Variants in INPP4B observed in about 807,000 individuals in gnomAD.
The protein encoded by INPP4B is inositol polyphosphate 4-phosphatase type II.
A neutral mutation model predicts 122.5 loss-of-function variants in INPP4B; 55 were observed. The ratio of observed to expected loss-of-function variants is 0.45; its 90% CI spans 0.36 to 0.56. The LOEUF (loss-of-function observed/expected upper bound fraction) is 0.56, where lower values mean the gene tolerates loss of function less well. Ranked by LOEUF, INPP4B falls within the 20% of genes least tolerant of loss-of-function variation. The pLI is 0.00. For synonymous variants in INPP4B, 403 were observed against 388.7 expected, an observed-to-expected ratio of 1.04 and a Z score of -0.43; for missense variants, 1,000 against 1,097.7, an observed-to-expected ratio of 0.91 and a Z score of 1.26.
At position 142,115,258 on chromosome 4, in the gene INPP4B, C is replaced by T. The variant is rs113943684; in HGVS notation, c.2136-2576G>A. 1.4e-3 allele frequency among the ~76,000 whole-genome samples: 215 copies of T among 152,210 alleles called. 1 individual carries two copies. Among genetic ancestry groups the T allele is most frequent in the Admixed American group, 2.6e-3 (39 of 15,276 alleles). On this transcript the variant is annotated intron_variant, in intron 21 of 25. Transcript: ENST00000262992. ...CTCTGCAGGATATTATTCAGGAGAA[C>T]GTCCCAAATCTAGCAAGGCAGGCCA...
In INPP4B at chr4:142,224,929, T is replaced by C. The variant is rs59640122; in HGVS notation, c.836+12935A>G. 4.9e-3 allele frequency among the ~76,000 whole-genome samples: 744 copies of C among 152,222 alleles called. 10 individuals are homozygous for C. Among genetic ancestry groups the C allele is most frequent in the African/African-American group, 0.017 (710 of 41,534 alleles). On this transcript the variant is annotated intron_variant, in intron 12 of 25. Coordinates refer to ENST00000262992, the MANE Select transcript of INPP4B (RefSeq NM_001101669.3). ...TATTTAAAGTTTATATGTCCCAAAC[T>C]CGACTGTGTTTTTTATACTAAAGTG...
Position 142,237,983 on chromosome 4 carries a change from A to G in INPP4B, c.717T>C (p.Tyr239=), listed in dbSNP as rs1857386514. ...ACTTATTGTCAGATGTGGGAAATCT[A>G]TATAATTTACATACTGGGTTCTTTA... ...SVLKNPVCKL[Y]RFPTSDNKWM... is the part of the protein sequence containing the mutation. Residue 239 remains tyrosine (Y), a synonymous_variant, in exon 12 of 26, where the codon TAT becomes TAC. Coordinates refer to ENST00000262992, the MANE Select transcript of INPP4B (RefSeq NM_001101669.3). The G allele has an allele frequency of 3.2e-6, 5 of 1,557,444 alleles. No individual in the cohort carries two copies. The highest frequency in any genetic ancestry group is 2.7e-5 in the African/African-American group (2 of 73,858).
intron 2 of INPP4B, among the ~76,000 whole-genome samples, chr4:142,566,924 T>C (rs1580385287): frequency 6.6e-6 from 1 of 152,162 alleles, no homozygotes; most frequent in East Asian, 1.9e-4. Context: ...TTGGGCTTTA[T>C]ATAGAAGTAA....
intron 1 of INPP4B, among the ~76,000 whole-genome samples, chr4:142,744,333 A>G (rs1768345501): frequency 1.3e-5 from 2 of 151,944 alleles, no homozygotes; most frequent in African/African-American, 2.4e-5. Context: ...AACAACTACC[A>G]TAAGTATAAT....
At chr4:142,513,925 A>C (rs1825084340) in intron 2 of INPP4B, among the ~76,000 whole-genome samples, 1 of 152,224 alleles carries the variant, frequency 6.6e-6, no homozygotes, top group Non-Finnish European at 1.5e-5. Flanking sequence ...ACAATTTAAA[A>C]AAATCAACCA....
intron 9 of INPP4B, among the ~76,000 whole-genome samples, chr4:142,291,770 A>C (rs977543841): frequency 1.3e-5 from 2 of 152,324 alleles, no homozygotes; most frequent in South Asian, 4.1e-4. Context: ...AAGGTATAAA[A>C]AAAGAAAAAA....
chr4:142,160,957 G>A (rs1365159337), intron 16 of INPP4B, among the ~76,000 whole-genome samples: 3 of 151,964 alleles, frequency 2.0e-5, no homozygotes, highest in Admixed American at 2.0e-4. Flanking sequence ...CAGTCTATGT[G>A]TATTTTATTA....
At chr4:142,159,550 T>A (rs1222514247) in intron 17 of INPP4B, among the ~76,000 whole-genome samples, 2 of 149,888 alleles carry the variant, frequency 1.3e-5, no homozygotes, top group East Asian at 3.9e-4. Context: ...AAAGTAATTG[T>A]TAACTAAAAG....
intron 7 of INPP4B, among the ~76,000 whole-genome samples, chr4:142,331,915 TG>T (rs776702218): frequency 5.0e-4 from 44 of 87,526 alleles, no homozygotes; most frequent in East Asian, 4.4e-3. Flanking sequence ...GCTGGGGGGG[TG>T]GGGGGTGGAG....
At chr4:142,807,305 C>A (rs181347896) in intron 1 of INPP4B, among the ~76,000 whole-genome samples, 3 of 152,100 alleles carry the variant, frequency 2.0e-5, no homozygotes, top group African/African-American at 7.2e-5. Context: ...GAAAACAGAC[C>A]ATAGGAATAG....
intron 7 of INPP4B, among the ~76,000 whole-genome samples, chr4:142,316,134 T>C (rs1767558979): frequency 6.6e-6 from 1 of 152,218 alleles, no homozygotes; most frequent in Non-Finnish European, 1.5e-5. Context: ...CACTATCGCT[T>C]GCACAATTTG....
At chr4:142,248,030 TGCCCCTGCCCTCCA>T (rs1468286613) in intron 11 of INPP4B, among the ~76,000 whole-genome samples, 2 of 152,130 alleles carry the variant, frequency 1.3e-5, no homozygotes, top group African/African-American at 4.8e-5. Flanking sequence ...TCACCCCTCC[TGCCCCTGCCCTCCA>T]GGCTCCTGTG....
chr4:142,515,903 C>A (rs1278839494), intron 2 of INPP4B, among the ~76,000 whole-genome samples: 1 of 152,042 alleles, frequency 6.6e-6, no homozygotes, highest in Non-Finnish European at 1.5e-5. Flanking sequence ...GACAATAAAT[C>A]CCATGAAAAG....
At chr4:142,074,788 C>T (rs564112723) in intron 25 of INPP4B, among the ~76,000 whole-genome samples, 1 of 151,632 alleles carries the variant, frequency 6.6e-6, no homozygotes, top group Admixed American at 6.6e-5. Flanking sequence ...ATGTGCCACA[C>T]ATTACAACAC....
chr4:142,289,005 A>G (rs1755135027), intron 9 of INPP4B, among the ~76,000 whole-genome samples: 1 of 152,162 alleles, frequency 6.6e-6, no homozygotes, highest in Admixed American at 6.6e-5. Flanking sequence ...TGCAATGTCA[A>G]GTTACTCTTT....
intron 2 of INPP4B, among the ~76,000 whole-genome samples, chr4:142,651,454 C>T (rs1239933663): frequency 6.6e-6 from 1 of 151,910 alleles, no homozygotes; most frequent in African/African-American, 2.4e-5. Context: ...AAAACATCAA[C>T]AAAATTGATA....
At chr4:142,770,089 G>A (rs1035412419) in intron 1 of INPP4B, among the ~76,000 whole-genome samples, 2 of 151,992 alleles carry the variant, frequency 1.3e-5, no homozygotes, top group African/African-American at 4.8e-5. Flanking sequence ...ACAAATTCTG[G>A]TATGACGTGT....
chr4:142,310,210 C>A (rs372941989), intron 8 of INPP4B, among the ~76,000 whole-genome samples: 8 of 151,916 alleles, frequency 5.3e-5, no homozygotes, highest in African/African-American at 1.9e-4. Context: ...CAATGGGTAG[C>A]CACTGGCTTT....
chr4:142,489,027 C>T (rs1821529373), intron 2 of INPP4B, among the ~76,000 whole-genome samples: 1 of 152,074 alleles, frequency 6.6e-6, no homozygotes, highest in East Asian at 1.9e-4. Flanking sequence ...TTTCTAGCTT[C>T]TCCCCACAAA....
Sources: gnomAD v4.1 joint callset for allele counts (sites outside exome capture counted in the v4.1 genomes callset) on GRCh38, gnomAD v4.1.1 for gene constraint, MANE v1.5 for transcripts, NCBI Gene and HGNC (gene_info 2026-07-23, HGNC 2026-07-21) for gene names.